SLC44A5: variants seen among roughly 807,000 people sequenced by gnomAD.
The protein encoded by SLC44A5 is solute carrier family 44 member 5.
Under a neutral mutation model 101.8 loss-of-function variants are expected in SLC44A5, and 57 were observed. The ratio of observed to expected loss-of-function variants is 0.56; its 90% CI spans 0.45 to 0.70. The LOEUF (loss-of-function observed/expected upper bound fraction) is 0.70, where lower values mean the gene tolerates loss of function less well. Ranked by LOEUF, SLC44A5 falls within the 30% of genes least tolerant of loss-of-function variation. SLC44A5 has a pLI of 0.00. For synonymous variants in SLC44A5, 281 were observed against 290.9 expected (o/e 0.97, Z 0.35); for missense variants, 737 against 853.1 (o/e 0.86, Z 1.70).
At chr1:75,332,207 T>A (rs965046871) in intron 4 of SLC44A5, among the ~76,000 whole-genome samples, 6 of 152,202 alleles carry the variant, frequency 3.9e-5, no homozygotes, top group African/African-American at 7.2e-5. Context: ...TTGGTATATT[T>A]TCTTCCAGTA....
At chr1:75,674,965 T>C in the SLC44A5 span, among the ~76,000 whole-genome samples, 2 of 152,186 alleles carry the variant, frequency 1.3e-5, no homozygotes, top group Non-Finnish European at 2.9e-5. Flanking sequence ...GTTTCATTGA[T>C]CTATGTGTCT....
chr1:75,469,900 G>GA (rs1171157547), intron 2 of SLC44A5, among the ~76,000 whole-genome samples: 4,352 of 80,332 alleles, frequency 0.054, 315 homozygotes, highest in African/African-American at 0.14. Context: ...ACCTTGTGAA[G>GA]AAAAAAAAAA....
chr1:75,527,514 G>A (rs1469084398), intron 2 of SLC44A5, among the ~76,000 whole-genome samples: 2 of 152,080 alleles, frequency 1.3e-5, no homozygotes, highest in Non-Finnish European at 2.9e-5. Context: ...GGATTTCTAA[G>A]CCTAAAAATG....
chr1:75,357,711 T>A (rs1249832), intron 3 of SLC44A5, among the ~76,000 whole-genome samples: 143,675 of 152,198 alleles, frequency 0.94, 68,397 homozygotes, highest in East Asian at 1. Flanking sequence ...TAGAAAATCC[T>A]GTGTGTCAAG....
intron 2 of SLC44A5, among the ~76,000 whole-genome samples, chr1:75,473,826 T>C (rs1667239131): frequency 6.6e-6 from 1 of 152,222 alleles, no homozygotes; most frequent in Admixed American, 6.5e-5. Flanking sequence ...TTTCCAACTT[T>C]GTCCAATAGC....
chr1:75,692,131 G>C, the SLC44A5 span, among the ~76,000 whole-genome samples: 1 of 150,030 alleles, frequency 6.7e-6, no homozygotes, highest in Non-Finnish European at 1.5e-5. Context: ...AAAAAACACA[G>C]AGAGAGAACA....
At chr1:75,704,970 T>G in the SLC44A5 span, among the ~76,000 whole-genome samples, 5 of 152,294 alleles carry the variant, frequency 3.3e-5, no homozygotes, top group South Asian at 8.3e-4. Flanking sequence ...TTTGCTGAGA[T>G]TCTTGTATCA....
intron 1 of SLC44A5, among the ~76,000 whole-genome samples, chr1:75,576,947 G>A (rs1026307216): frequency 2.6e-5 from 4 of 152,176 alleles, no homozygotes; most frequent in African/African-American, 9.7e-5. Flanking sequence ...TGTCTAATGG[G>A]CATCTCAAAT....
intron 2 of SLC44A5, among the ~76,000 whole-genome samples, chr1:75,453,165 A>G (rs910910987): frequency 6.6e-6 from 1 of 152,134 alleles, no homozygotes; most frequent in African/African-American, 2.4e-5. Context: ...TAAATTTTCA[A>G]AAACTGAACT....
chr1:75,355,051 A>T (rs1262593870), intron 3 of SLC44A5, among the ~76,000 whole-genome samples: 1 of 152,232 alleles, frequency 6.6e-6, no homozygotes, highest in South Asian at 2.1e-4. Flanking sequence ...AGTTACCGTC[A>T]TAAATGAGAG....
intron 1 of SLC44A5, among the ~76,000 whole-genome samples, chr1:75,573,306 T>C (rs1673184805): frequency 6.6e-6 from 1 of 151,912 alleles, no homozygotes; most frequent in Non-Finnish European, 1.5e-5. Flanking sequence ...ATTGCACCAC[T>C]GAACTCCAGA....
At chr1:75,708,387 CTG>C in the SLC44A5 span, among the ~76,000 whole-genome samples, 1 of 116,752 alleles carries the variant, frequency 8.6e-6, no homozygotes, top group Non-Finnish European at 1.6e-5. Context: ...GCACTCCAGC[CTG>C]TGTGACAGAG....
chr1:75,474,871 A>C (rs1324387245), intron 2 of SLC44A5, among the ~76,000 whole-genome samples: 1 of 152,264 alleles, frequency 6.6e-6, no homozygotes, highest in African/African-American at 2.4e-5. Flanking sequence ...CAAAAAGCAT[A>C]TGTTAGTAAC....
the SLC44A5 span, among the ~76,000 whole-genome samples, chr1:75,706,191 T>C: frequency 1.3e-5 from 2 of 152,188 alleles, no homozygotes; most frequent in African/African-American, 4.8e-5. Flanking sequence ...AATTCTAATA[T>C]GTGGTTTTTT....
chr1:75,350,632 C>A (rs778133823), intron 3 of SLC44A5, among the ~76,000 whole-genome samples: 1 of 151,420 alleles, frequency 6.6e-6, no homozygotes, highest in Non-Finnish European at 1.5e-5. Flanking sequence ...TGGTGGCTCA[C>A]GCCTGTAATC....
intron 4 of SLC44A5, among the ~76,000 whole-genome samples, chr1:75,304,466 T>C (rs1654758724): frequency 6.6e-6 from 1 of 152,170 alleles, no homozygotes; most frequent in Admixed American, 6.5e-5. Flanking sequence ...AATCAAAATA[T>C]AGCTTGGGCA....
At chr1:75,270,740 C>T (rs917703060) in intron 6 of SLC44A5, among the ~76,000 whole-genome samples, 3 of 152,062 alleles carry the variant, frequency 2.0e-5, no homozygotes, top group Non-Finnish European at 4.4e-5. Context: ...TACTATCATT[C>T]ACATATTGTT....
chr1:75,677,940 C>T, the SLC44A5 span: 3 of 214,272 alleles, frequency 1.4e-5, no homozygotes, highest in South Asian at 5.0e-5. Flanking sequence ...CGAGGCATTG[C>T]CTCACTTGGG....
At chr1:75,223,886 C>A (rs548668740) in intron 13 of SLC44A5, among the ~76,000 whole-genome samples, 2 of 152,160 alleles carry the variant, frequency 1.3e-5, no homozygotes, top group Non-Finnish European at 2.9e-5. Context: ...GGCATGTAAC[C>A]ATATTATGCT....
Sources: gnomAD v4.1 joint callset for allele counts (sites outside exome capture counted in the v4.1 genomes callset) on GRCh38, gnomAD v4.1.1 for gene constraint, MANE v1.5 for transcripts, NCBI Gene and HGNC (gene_info 2026-07-23, HGNC 2026-07-21) for gene names.